The following UFL1 variants were observed in gnomAD, a reference collection of about 807,000 sequenced individuals.
UFL1 encodes UFM1 specific ligase 1, also known as E3 UFM1-protein ligase 1.
UFL1 carries 78 observed loss-of-function variants against 99.3 expected under a neutral mutation model. That is an observed-to-expected ratio of 0.79 (90% CI 0.65 to 0.95). The LOEUF (loss-of-function observed/expected upper bound fraction) is 0.95, where lower values mean the gene tolerates loss of function less well. Ranked by LOEUF, UFL1 falls within the 40% of genes least tolerant of loss-of-function variation. The probability of loss-of-function intolerance (pLI) is 0.00; values close to 1 mark genes in which losing one functional copy is unlikely to be tolerated. For synonymous variants in UFL1, 335 were observed against 322.2 expected (o/e 1.04, Z -0.42); for missense variants, 936 against 937.0 (o/e 1.00, Z 0.01).
intron 12 of UFL1, among the ~76,000 whole-genome samples, chr6:96,544,151 A>C (rs1254014343): frequency 6.6e-6 from 1 of 151,030 alleles, no homozygotes; most frequent in East Asian, 1.9e-4. Context: ...TTTAAATAGG[A>C]AACATTAATT....
At chr6:96,548,508 G>A (rs968327255) in intron 13 of UFL1, among the ~76,000 whole-genome samples, 2 of 151,562 alleles carry the variant, frequency 1.3e-5, no homozygotes, top group African/African-American at 4.8e-5. Flanking sequence ...TAAAAGGCAG[G>A]AGCGAGAAAG....
chr6:96,534,432 AT>A, intron 7 of UFL1, 111 bp downstream of exon 7: 1 of 857,578 alleles, frequency 1.2e-6, no homozygotes, highest in Non-Finnish European at 1.6e-6. Context: ...TAACTAAAAT[AT>A]TTCCTGGTTT....
rs1336008023 is a variant in UFL1 at position 96,552,658 on chromosome 6, C to T, written c.2162C>T (p.Pro721Leu). 15 of 1,592,674 alleles carry T rather than the reference C, an allele frequency of 9.4e-6. No homozygotes were observed. In the Admixed American group the frequency reaches 2.8e-4, roughly 29 times the overall value. ...ATTGCTTTTCTTAATAGTAAAATTCCAGAGGTATTACATTTTCAATACACT... is the reference window on the plus strand; with the variant it reads ...ATTGCTTTTCTTAATAGTAAAATTCTAGAGGTATTACATTTTCAATACACT... ...QIIAFLNSKI[P>L]EDQHALLVKY... Residue 721 changes from proline (P) to leucine (L), a missense_variant, in exon 18 of 19, where the codon CCA becomes CTA. Physicochemically the swap from Pro to Leu is moderately conservative, Grantham distance 98 (BLOSUM62 -3). Transcript: ENST00000369278.
At chr6:96,539,489 T>G (rs1055328981) in intron 10 of UFL1, among the ~76,000 whole-genome samples, 2 of 151,630 alleles carry the variant, frequency 1.3e-5, no homozygotes, top group African/African-American at 4.8e-5. Flanking sequence ...TCTAAGCTCT[T>G]TAATAGTCTA....
chr6:96,547,823 TGTGG>T (rs1770021638), intron 12 of UFL1, among the ~76,000 whole-genome samples: 2 of 150,886 alleles, frequency 1.3e-5, no homozygotes, highest in South Asian at 4.2e-4. Flanking sequence ...GGGGGCGGTA[TGTGG>T]GCAGGGCAAG....
intron 12 of UFL1, among the ~76,000 whole-genome samples, chr6:96,544,282 A>G (rs1259810718): frequency 6.6e-6 from 1 of 151,020 alleles, no homozygotes. Flanking sequence ...AAGAAAGTCT[A>G]CAAGAGACAT....
intron 10 of UFL1, among the ~76,000 whole-genome samples, chr6:96,539,016 A>G: frequency 6.6e-6 from 1 of 151,754 alleles, no homozygotes; most frequent in Non-Finnish European, 1.5e-5. Flanking sequence ...AAGTTGGGGA[A>G]CTGACTTTAT....
intron 12 of UFL1, among the ~76,000 whole-genome samples, chr6:96,544,328 A>T (rs1769971688): frequency 6.6e-6 from 1 of 150,578 alleles, no homozygotes; most frequent in African/African-American, 2.4e-5. Context: ...GATATTTTTA[A>T]TTTTTCTGTT....
intron 13 of UFL1, 57 bp from the exon 14 acceptor site, chr6:96,549,355 A>G: frequency 2.3e-6 from 3 of 1,315,208 alleles, no homozygotes; most frequent in Non-Finnish European, 2.0e-6. Context: ...AAAATTCCTT[A>G]TCTATATAAA....
At position 96,536,275 on chromosome 6, in the gene UFL1, C is replaced by T. The variant is rs754078075; in HGVS notation, c.687C>T (p.Arg229=). Residue 229 remains arginine (R), a synonymous_variant, in exon 8 of 19, where the codon CGC becomes CGT. Transcript: ENST00000369278. ...TTGAGGAACTTGTTAATAGCGGACG[C>T]TTACGAGGCACTGTGGTTGGTGGGA... The part of the protein sequence containing the change: ...SVLEELVNSG[R]LRGTVVGGRQ... 15 of 1,610,102 alleles carry T rather than the reference C, an allele frequency of 9.3e-6. No homozygotes were observed. The highest frequency in any genetic ancestry group is 1.3e-5 in the Non-Finnish European group (15 of 1,177,262).
Position 96,548,146 on chromosome 6 carries a change from T to TG in UFL1, c.1403-17dup. On this transcript the variant is annotated splice_polypyrimidine_tract_variant and intron_variant, in intron 12 of 18. Coordinates refer to ENST00000369278, the MANE Select transcript of UFL1 (RefSeq NM_015323.5). ...TTTTATTTATTTATTTATTTGCCAT[T>TG]GCTCATGTCCGATATAGGAAAGAAG... 1 of 1,500,296 alleles carries TG rather than the reference T, an allele frequency of 6.7e-7. No individual in the cohort carries two copies. Among genetic ancestry groups the TG allele is most frequent in the East Asian group, 2.4e-5 (1 of 42,116 alleles). 92.9% of individuals were successfully genotyped at this position (1,500,296 alleles called of 1,614,324 possible).
intron 10 of UFL1, among the ~76,000 whole-genome samples, chr6:96,540,007 C>A (rs1288970578): frequency 6.6e-6 from 1 of 151,434 alleles, no homozygotes; most frequent in Non-Finnish European, 1.5e-5. Context: ...CTTGGAAATA[C>A]TTCATCGTTG....
chr6:96,547,209 G>A (rs1470976888), intron 12 of UFL1, among the ~76,000 whole-genome samples: 2 of 151,428 alleles, frequency 1.3e-5, no homozygotes, highest in African/African-American at 4.8e-5. Context: ...AGCAGCCAAC[G>A]AACACATGAA....
At chr6:96,542,299 T>C (rs1769942051) in intron 11 of UFL1, among the ~76,000 whole-genome samples, 1 of 151,330 alleles carries the variant, frequency 6.6e-6, no homozygotes, top group Admixed American at 6.6e-5. Context: ...GGTCAACATT[T>C]ATGAAGCACG....
rs370708409 is a variant in UFL1 at position 96,553,543 on chromosome 6, C to A, written c.*40C>A. 22 of 1,582,430 alleles carry A rather than the reference C, an allele frequency of 1.4e-5. No individual in the cohort carries two copies. The highest frequency in any genetic ancestry group is 1.9e-5 in the Non-Finnish European group (22 of 1,161,696). On this transcript the variant is annotated 3_prime_UTR_variant, in exon 19 of 19. Transcript: ENST00000369278. ...ATTTGTCATATAGTAAGCATTTTCC[C>A]CCAAGGTTGAAGGTGAGTGGTCACA...
rs1364000644 is a variant in UFL1, at chr6:96,554,266, A to G, written c.*763A>G. On this transcript the variant is annotated 3_prime_UTR_variant, in exon 19 of 19. Transcript: ENST00000369278. ...GAATAACTAAGCATTTTATACAAAG[A>G]TTTTTCTTTGACCCAGTTTGCATTT... 2.0e-5 allele frequency: 3 copies of G among 152,212 alleles called. No individual in the cohort carries two copies. The highest frequency in any genetic ancestry group is 4.1e-4 in the South Asian group (2 of 4,820). The allele number at this position is 152,212 out of a possible 1,614,324, so 9.4% of individuals were successfully genotyped here.
intron 12 of UFL1, among the ~76,000 whole-genome samples, chr6:96,545,599 T>G (rs1769987666): frequency 6.6e-6 from 1 of 151,070 alleles, no homozygotes; most frequent in African/African-American, 2.4e-5. Flanking sequence ...TTCTAATAAA[T>G]TTATATTTTT....
intron 1 of UFL1, among the ~76,000 whole-genome samples, chr6:96,522,274 C>A (rs918886699): frequency 1.3e-5 from 2 of 152,178 alleles, no homozygotes; most frequent in Admixed American, 1.3e-4. Context: ...CACCAACCAC[C>A]AAATCACTGT....
chr6:96,553,587 A>G lies in UFL1; in HGVS notation c.*84A>G, dbSNP rs565599835. On this transcript the variant is annotated 3_prime_UTR_variant, in exon 19 of 19. Transcript: ENST00000369278. Reference sequence around the variant, plus strand: ...GGTCACAAAAAAGTAGTCACTATACAACTCCCCTCTCCCTGCAAAAACCAC... The same window carrying G: ...GGTCACAAAAAAGTAGTCACTATACGACTCCCCTCTCCCTGCAAAAACCAC... 8 of 1,155,158 alleles carry G rather than the reference A, an allele frequency of 6.9e-6. No homozygotes were observed. Among genetic ancestry groups the G allele is most frequent in the South Asian group, 1.5e-5 (1 of 66,394 alleles). 71.6% of individuals were successfully genotyped at this position (1,155,158 alleles called of 1,614,324 possible). A position where few individuals can be genotyped will look rare whatever the true frequency, so the allele number is the denominator to read the frequency against.
Sources: gnomAD v4.1 joint callset for allele counts (sites outside exome capture counted in the v4.1 genomes callset) on GRCh38, gnomAD v4.1.1 for gene constraint, MANE v1.5 for transcripts, NCBI Gene and HGNC (gene_info 2026-07-23, HGNC 2026-07-21) for gene names.